Variants in EYS observed in about 807,000 individuals in gnomAD.
EYS encodes EGF-like photoreceptor maintenance factor.
Under a neutral mutation model 282.1 loss-of-function variants are expected in EYS, and 250 were observed. The observed-to-expected ratio is 0.89, with a 90% CI of 0.80 to 0.98. The LOEUF (loss-of-function observed/expected upper bound fraction) is 0.98, where lower values mean the gene tolerates loss of function less well. Among genes scored for constraint, EYS ranks in the 50% least tolerant of loss-of-function variants. The pLI is 0.00. For synonymous variants in EYS, 1,355 were observed against 1,282.9 expected (o/e 1.06, Z -1.20); for missense variants, 4,016 against 3,709.0 (o/e 1.08, Z -2.15).
chr6:63,958,436 C>A (rs1452395629), intron 35 of EYS, among the ~76,000 whole-genome samples: 1 of 95,948 alleles, frequency 1.0e-5, no homozygotes, highest in Non-Finnish European at 2.8e-5. Flanking sequence ...ATGTTTGTGG[C>A]CCCCACAATG....
chr6:64,188,684 C>G (rs1386652245), intron 31 of EYS, among the ~76,000 whole-genome samples: 2 of 152,106 alleles, frequency 1.3e-5, no homozygotes, highest in African/African-American at 4.8e-5. Context: ...TTAAAGAAAC[C>G]TGTCTTATTG....
chr6:65,620,221 G>A (rs1044874001), intron 2 of EYS, among the ~76,000 whole-genome samples: 29 of 152,032 alleles, frequency 1.9e-4, no homozygotes, highest in Admixed American at 1.1e-3. Context: ...GATCATTGCC[G>A]CAATTTCAGA....
intron 22 of EYS, among the ~76,000 whole-genome samples, chr6:64,723,217 T>C (rs1771644810): frequency 6.6e-6 from 1 of 152,184 alleles, no homozygotes; most frequent in African/African-American, 2.4e-5. Context: ...GAGCCTTACC[T>C]GTGAAACATT....
chr6:64,940,572 G>A (rs1769056075), intron 15 of EYS, among the ~76,000 whole-genome samples: 1 of 151,910 alleles, frequency 6.6e-6, no homozygotes, highest in Non-Finnish European at 1.5e-5. Flanking sequence ...ATCAATTTGT[G>A]TTCATACATC....
intron 31 of EYS, among the ~76,000 whole-genome samples, chr6:64,140,627 T>C (rs1370373238): frequency 6.6e-6 from 1 of 152,156 alleles, no homozygotes; most frequent in Non-Finnish European, 1.5e-5. Context: ...CATTCCTGTA[T>C]CACGTCCCCT....
At chr6:63,885,785 A>G (rs1773247419) in intron 35 of EYS, among the ~76,000 whole-genome samples, 1 of 152,146 alleles carries the variant, frequency 6.6e-6, no homozygotes, top group Non-Finnish European at 1.5e-5. Flanking sequence ...TTCCCTTTGC[A>G]AGAACTTGAC....
chr6:64,321,741 T>C (rs1373187999), intron 29 of EYS, among the ~76,000 whole-genome samples: 1 of 151,906 alleles, frequency 6.6e-6, no homozygotes, highest in Non-Finnish European at 1.5e-5. Flanking sequence ...AATGTAGTGT[T>C]TCTGATGTTT....
At chr6:64,331,596 C>G (rs950427669) in intron 29 of EYS, among the ~76,000 whole-genome samples, 8 of 54,614 alleles carry the variant, frequency 1.5e-4, no homozygotes, top group African/African-American at 6.4e-4. Flanking sequence ...TCCAATAGCC[C>G]CCCCGCCCGC....
intron 12 of EYS, among the ~76,000 whole-genome samples, chr6:65,122,023 T>C (rs1775568339): frequency 6.6e-6 from 1 of 152,112 alleles, no homozygotes; most frequent in African/African-American, 2.4e-5. Context: ...CTAATATATT[T>C]AAAATGACTT....
At chr6:65,177,849 G>T (rs12196036) in intron 12 of EYS, among the ~76,000 whole-genome samples, 6,454 of 151,824 alleles carry the variant, frequency 0.043, 197 homozygotes, top group Middle Eastern at 0.065. Flanking sequence ...GTTACTCATT[G>T]TAAAAATGCC....
chr6:63,831,242 A>T (rs1052885329), intron 36 of EYS, among the ~76,000 whole-genome samples: 24 of 152,240 alleles, frequency 1.6e-4, no homozygotes, highest in Non-Finnish European at 2.8e-4. Context: ...TAAATGGGCT[A>T]AATGCCCCAA....
intron 35 of EYS, among the ~76,000 whole-genome samples, chr6:63,912,615 A>G (rs1316369897): frequency 6.6e-6 from 1 of 152,148 alleles, no homozygotes; most frequent in Non-Finnish European, 1.5e-5. Context: ...AAAATCTCTT[A>G]TGTTGAAATG....
chr6:63,781,243 G>A (rs149429971), intron 39 of EYS, among the ~76,000 whole-genome samples: 1 of 152,094 alleles, frequency 6.6e-6, no homozygotes, highest in Non-Finnish European at 1.5e-5. Context: ...CTCTTTTTTG[G>A]TTCCATATGA....
chr6:65,158,360 C>T (rs114235512), intron 12 of EYS, among the ~76,000 whole-genome samples: 1 of 150,650 alleles, frequency 6.6e-6, no homozygotes, highest in Non-Finnish European at 1.5e-5. Flanking sequence ...CAAAATAGGC[C>T]TAATAATTTA....
At chr6:65,213,507 T>C (rs759296171) in intron 12 of EYS, among the ~76,000 whole-genome samples, 3 of 152,210 alleles carry the variant, frequency 2.0e-5, no homozygotes, top group Non-Finnish European at 2.9e-5. Flanking sequence ...TGTCTCTGTG[T>C]GACGGCTGGG....
chr6:65,543,498 A>T lies in EYS; in HGVS notation c.-332-47505T>A, dbSNP rs532936303. 1.2e-4 allele frequency among the ~76,000 whole-genome samples: 18 copies of T among 148,706 alleles called. 1 individual carries two copies. Among genetic ancestry groups the T allele is most frequent in the African/African-American group, 3.4e-4 (14 of 40,924 alleles). The stretch of plus-strand genomic sequence containing the variant: ...GTGTGTATATATCTATATATATATA[A>T]AATTATATTATAGTCCCAATAGTTT... On this transcript the variant is annotated intron_variant, in intron 2 of 42. Coordinates refer to ENST00000503581, the MANE Select transcript of EYS (RefSeq NM_001142800.2).
intron 19 of EYS, among the ~76,000 whole-genome samples, chr6:64,834,976 T>C (rs1258024506): frequency 2.0e-5 from 3 of 151,760 alleles, no homozygotes; most frequent in African/African-American, 7.2e-5. Flanking sequence ...TAACATCTTC[T>C]GATTTAAAAT....
At chr6:65,405,108 T>C in intron 6 of EYS, 66 bp downstream of exon 6, 1 of 1,089,112 alleles carries the variant, frequency 9.2e-7, no homozygotes, top group South Asian at 1.3e-5. Context: ...TTTATTCTTT[T>C]CAAATTGCTT....
At chr6:64,104,816 A>G (rs1488712949) in intron 31 of EYS, among the ~76,000 whole-genome samples, 2 of 150,590 alleles carry the variant, frequency 1.3e-5, no homozygotes, top group African/African-American at 4.9e-5. Flanking sequence ...ATTCCCACTA[A>G]TCCTGTTTAG....
Sources: gnomAD v4.1 joint callset for allele counts (sites outside exome capture counted in the v4.1 genomes callset) on GRCh38, gnomAD v4.1.1 for gene constraint, MANE v1.5 for transcripts, NCBI Gene and HGNC (gene_info 2026-07-23, HGNC 2026-07-21) for gene names.